The following OPHN1 variants were observed in gnomAD, a reference collection of about 807,000 sequenced individuals.
OPHN1 encodes the protein oligophrenin-1.
Under a neutral mutation model 60.7 loss-of-function variants are expected in OPHN1, and 11 were observed. That is an observed-to-expected ratio of 0.18 (90% CI 0.11 to 0.30). The LOEUF is 0.30. Among genes scored for constraint, OPHN1 ranks in the 10% least tolerant of loss-of-function variants. OPHN1 has a pLI of 1.00. For synonymous variants in OPHN1, 226 were observed against 222.6 expected (o/e 1.02, Z -0.14); for missense variants, 449 against 611.0 (o/e 0.73, Z 2.80).
At chrX:68,066,522 C>T (rs1445985678) in intron 20 of OPHN1, among the ~76,000 whole-genome samples, 1 of 111,351 alleles carries the variant, frequency 9.0e-6, no homozygotes, top group African/African-American at 3.3e-5. Flanking sequence ...AGCAGGGAAA[C>T]TATTTCTAGG....
chrX:68,361,712 C>A (rs2078473833), intron 2 of OPHN1, among the ~76,000 whole-genome samples: 1 of 110,912 alleles, frequency 9.0e-6, no homozygotes, highest in African/African-American at 3.3e-5. Flanking sequence ...GTGAATGATG[C>A]TGCAATGAAC....
intron 15 of OPHN1, among the ~76,000 whole-genome samples, chrX:68,136,200 A>C (rs57355826): frequency 0.22 from 23,862 of 109,405 alleles, 2,986 homozygotes; most frequent in East Asian, 0.43. Flanking sequence ...TGTGTATAAC[A>C]AAGAAACAAA....
chrX:68,146,355 C>T (rs1295118410), intron 15 of OPHN1, among the ~76,000 whole-genome samples: 4 of 111,709 alleles, frequency 3.6e-5, no homozygotes, highest in Non-Finnish European at 7.5e-5. Flanking sequence ...CACCAGTTTT[C>T]CTTTTGTTGT....
intron 2 of OPHN1, among the ~76,000 whole-genome samples, chrX:68,320,632 C>T (rs1717645392): frequency 1.8e-5 from 2 of 110,397 alleles, no homozygotes; most frequent in South Asian, 7.9e-4. Context: ...CCCCATACCC[C>T]AAATAAGCAA....
Position 68,406,805 on chromosome X carries a change from T to G in OPHN1, c.154+26062A>C, listed in dbSNP as rs766229069. Among the ~76,000 whole-genome samples the G allele has an allele frequency of 1.2e-4, 13 of 112,425 alleles. No homozygotes were observed. In the South Asian group the frequency reaches 4.7e-3, roughly 41 times the overall value. ...ATAAGACAAATAGAGCAAAATATTT[T>G]TTAAAAATCAGTGAATCTGACTGAA... On this transcript the variant is annotated intron_variant, in intron 2 of 24. Coordinates refer to ENST00000355520, the MANE Select transcript of OPHN1 (RefSeq NM_002547.3).
chrX:68,080,777 C>T (rs115610446), intron 19 of OPHN1, among the ~76,000 whole-genome samples: 24,989 of 110,936 alleles, frequency 0.23, 2,215 homozygotes, highest in Middle Eastern at 0.29. Flanking sequence ...AAATGAACTC[C>T]TCTCCATCAT....
chrX:68,342,719 G>A (rs1360070993), intron 2 of OPHN1, among the ~76,000 whole-genome samples: 1 of 111,018 alleles, frequency 9.0e-6, no homozygotes, highest in Non-Finnish European at 1.9e-5. Context: ...AGGTGGGAGG[G>A]TCGCTTGAAC....
chrX:68,322,690 G>A (rs2078241321), intron 2 of OPHN1, among the ~76,000 whole-genome samples: 1 of 111,489 alleles, frequency 9.0e-6, no homozygotes, highest in Non-Finnish European at 1.9e-5. Context: ...GGGAGACTGA[G>A]TCAGAAGAAT....
At chrX:68,364,409 G>A (rs751737581) in intron 2 of OPHN1, among the ~76,000 whole-genome samples, 2 of 112,055 alleles carry the variant, frequency 1.8e-5, no homozygotes, top group Non-Finnish European at 3.8e-5. Flanking sequence ...TAATATAGTC[G>A]AAAACTGGGT....
At chrX:68,208,941 C>T (rs867956447) in intron 9 of OPHN1, among the ~76,000 whole-genome samples, 1 of 112,405 alleles carries the variant, frequency 8.9e-6, no homozygotes, top group Non-Finnish European at 1.9e-5. Context: ...TTGTGCGACA[C>T]ACAGTTGAAG....
chrX:68,250,346 C>T (rs2077827400), intron 5 of OPHN1, among the ~76,000 whole-genome samples: 1 of 112,387 alleles, frequency 8.9e-6, no homozygotes, highest in East Asian at 2.8e-4. Flanking sequence ...GTTTTATGCA[C>T]TATCTCATTG....
chrX:68,185,455 C>T (rs2077458013), intron 15 of OPHN1, among the ~76,000 whole-genome samples: 1 of 111,830 alleles, frequency 8.9e-6, no homozygotes, highest in South Asian at 3.7e-4. Flanking sequence ...AGAGCATGTA[C>T]TACCCACCTG....
intron 20 of OPHN1, among the ~76,000 whole-genome samples, chrX:68,067,732 G>A (rs142808171): frequency 0.012 from 1,375 of 110,703 alleles, 19 homozygotes; most frequent in African/African-American, 0.042. Flanking sequence ...GCTTAGTTAT[G>A]GAGGTGTGAT....
intron 5 of OPHN1, among the ~76,000 whole-genome samples, chrX:68,263,501 T>C (rs1174201408): frequency 1.8e-5 from 2 of 112,168 alleles, no homozygotes; most frequent in African/African-American, 6.5e-5. Context: ...CTAACAAGAA[T>C]TACAGTGATG....
intron 6 of OPHN1, among the ~76,000 whole-genome samples, chrX:68,230,440 T>C (rs2077722224): frequency 1.8e-5 from 2 of 111,110 alleles, no homozygotes; most frequent in Admixed American, 9.6e-5. Flanking sequence ...TTATAAATCA[T>C]GCTGCTATAA....
At chrX:68,131,536 T>G (rs1431494430) in intron 15 of OPHN1, among the ~76,000 whole-genome samples, 1 of 112,043 alleles carries the variant, frequency 8.9e-6, no homozygotes, top group Non-Finnish European at 1.9e-5. Flanking sequence ...CTTTAAATGC[T>G]AAAAGCCATT....
intron 2 of OPHN1, among the ~76,000 whole-genome samples, chrX:68,348,750 T>C: frequency 8.9e-6 from 1 of 111,780 alleles, no homozygotes; most frequent in East Asian, 2.8e-4. Flanking sequence ...GTAATTGTTT[T>C]GGCATAGGAA....
intron 6 of OPHN1, among the ~76,000 whole-genome samples, chrX:68,231,927 A>T (rs753859746): frequency 8.9e-6 from 1 of 112,035 alleles, no homozygotes; most frequent in South Asian, 3.7e-4. Flanking sequence ...CCTCAATTCT[A>T]ACAAATGTAT....
chrX:68,409,583 C>G (rs1302218928), intron 2 of OPHN1, among the ~76,000 whole-genome samples: 1 of 111,863 alleles, frequency 8.9e-6, no homozygotes, highest in Admixed American at 9.6e-5. Flanking sequence ...ACTCACCAAG[C>G]AAGGGATGTG....
Sources: allele counts gnomAD v4.1 joint callset (sites outside exome capture counted in the v4.1 genomes callset), GRCh38; gene constraint gnomAD v4.1.1; transcripts MANE v1.5; gene names NCBI Gene and HGNC (gene_info 2026-07-23, HGNC 2026-07-21).